Variants in TENM4 observed in about 807,000 individuals in gnomAD.
TENM4 encodes teneurin-4.
TENM4 carries 82 observed loss-of-function variants against 243.3 expected under a neutral mutation model. That is an observed-to-expected ratio of 0.34 (90% CI 0.28 to 0.40). The LOEUF is 0.40. Among genes scored for constraint, TENM4 ranks in the 10% least tolerant of loss-of-function variants. The probability of loss-of-function intolerance (pLI) is 1.00; values close to 1 mark genes in which losing one functional copy is unlikely to be tolerated. For missense variants in TENM4, 3,138 were observed against 3,673.3 expected (o/e 0.85, Z 3.77); for synonymous variants, 1,412 against 1,456.3 (o/e 0.97, Z 0.69).
chr11:78,778,217 C>T (rs1409997904), intron 17 of TENM4, among the ~76,000 whole-genome samples: 1 of 151,748 alleles, frequency 6.6e-6, no homozygotes, highest in Non-Finnish European at 1.5e-5. Flanking sequence ...CTTTCTCAGG[C>T]CACCCACCCT....
intron 1 of TENM4, among the ~76,000 whole-genome samples, chr11:79,382,924 TC>T (rs1468176133): frequency 6.6e-6 from 1 of 152,170 alleles, no homozygotes. Context: ...ATTAATTACT[TC>T]CCTGAAGCAC....
chr11:78,984,772 C>T (rs1012121954), intron 6 of TENM4, among the ~76,000 whole-genome samples: 5 of 152,008 alleles, frequency 3.3e-5, no homozygotes, highest in African/African-American at 7.2e-5. Context: ...AATATGGTAG[C>T]GATTTTAACT....
chr11:79,408,175 A>C (rs555100399), intron 1 of TENM4, among the ~76,000 whole-genome samples: 16 of 152,362 alleles, frequency 1.1e-4, no homozygotes, highest in African/African-American at 3.6e-4. Context: ...AAGTGCCAGG[A>C]TTACAGGTGT....
chr11:79,220,017 G>GCACT (rs1189054281), intron 2 of TENM4, among the ~76,000 whole-genome samples: 1 of 152,188 alleles, frequency 6.6e-6, no homozygotes, highest in Non-Finnish European at 1.5e-5. Flanking sequence ...GCTAAGCCGT[G>GCACT]GTACCCGGAG....
intron 1 of TENM4, among the ~76,000 whole-genome samples, chr11:79,309,883 G>A (rs1363118058): frequency 6.6e-6 from 1 of 152,158 alleles, no homozygotes; most frequent in African/African-American, 2.4e-5. Context: ...TCCCAGTGCT[G>A]CTGCCCATGC....
intron 3 of TENM4, among the ~76,000 whole-genome samples, chr11:79,163,709 A>G (rs1176722469): frequency 6.6e-6 from 1 of 151,440 alleles, no homozygotes; most frequent in African/African-American, 2.4e-5. Context: ...GTTGCTGCAA[A>G]TAGCATTATT....
intron 7 of TENM4, among the ~76,000 whole-genome samples, chr11:78,896,901 A>C (rs1206813802): frequency 6.6e-6 from 1 of 152,130 alleles, no homozygotes; most frequent in Non-Finnish European, 1.5e-5. Context: ...GACTACCTAC[A>C]TGCGCAGAAG....
At chr11:79,426,409 T>C (rs959911051) in intron 1 of TENM4, among the ~76,000 whole-genome samples, 4 of 152,182 alleles carry the variant, frequency 2.6e-5, no homozygotes, top group Non-Finnish European at 4.4e-5. Flanking sequence ...TCTAACCTCA[T>C]TGAGTCCCTG....
At chr11:78,924,276 T>A (rs889610059) in intron 6 of TENM4, among the ~76,000 whole-genome samples, 1 of 152,204 alleles carries the variant, frequency 6.6e-6, no homozygotes, top group East Asian at 1.9e-4. Context: ...GGCCTGAGTA[T>A]GGCAGAGCAA....
At chr11:79,136,944 G>A (rs1185724551) in intron 4 of TENM4, among the ~76,000 whole-genome samples, 2 of 152,102 alleles carry the variant, frequency 1.3e-5, no homozygotes, top group African/African-American at 2.4e-5. Context: ...CAGGGCTGGG[G>A]CAAAGTTCTG....
chr11:79,120,707 C>A (rs1413914730), intron 4 of TENM4, among the ~76,000 whole-genome samples: 1 of 152,170 alleles, frequency 6.6e-6, no homozygotes, highest in African/African-American at 2.4e-5. Context: ...ATACTAAATA[C>A]TGGGAGATTT....
intron 3 of TENM4, among the ~76,000 whole-genome samples, chr11:79,186,884 A>T (rs564817424): frequency 1.8e-3 from 278 of 152,330 alleles, no homozygotes; most frequent in Middle Eastern, 6.8e-3. Flanking sequence ...CATCTGAAAC[A>T]GCCCCTCGGA....
chr11:79,383,995 G>A (rs541854485), intron 1 of TENM4, among the ~76,000 whole-genome samples: 1 of 152,012 alleles, frequency 6.6e-6, no homozygotes, highest in East Asian at 1.9e-4. Context: ...AAGATAACCT[G>A]CCCCCCCTTC....
Position 78,896,135 on chromosome 11 carries a change from G to A in TENM4, c.750-4799C>T, listed in dbSNP as rs557059705. Among the ~76,000 whole-genome samples the A allele has an allele frequency of 4.3e-4, 66 of 152,282 alleles. 1 individual carries two copies. The highest frequency in any genetic ancestry group is 7.2e-4 in the Admixed American group (11 of 15,302). ...GTTCCTCAGGACCGCCCTGATCAAC[G>A]GTTCACCCTCTCACAGTGAGCCCGC... On this transcript the variant is annotated intron_variant, in intron 7 of 33. Transcript: ENST00000278550.
chr11:79,088,684 C>A (rs368595435), intron 4 of TENM4, among the ~76,000 whole-genome samples: 1 of 152,166 alleles, frequency 6.6e-6, no homozygotes, highest in East Asian at 1.9e-4. Flanking sequence ...TACTTCACTC[C>A]GGCCCAGATG....
chr11:78,995,740 C>T (rs1234008827), intron 6 of TENM4, among the ~76,000 whole-genome samples: 4 of 148,754 alleles, frequency 2.7e-5, no homozygotes, highest in African/African-American at 9.9e-5. Context: ...AACTAAGATT[C>T]AGAGAGATGA....
At chr11:79,384,347 C>T (rs189595243) in intron 1 of TENM4, among the ~76,000 whole-genome samples, 29 of 152,328 alleles carry the variant, frequency 1.9e-4, no homozygotes, top group African/African-American at 5.5e-4. Flanking sequence ...ACCTGGTCTG[C>T]GTCCAGCCTC....
chr11:79,319,853 G>A (rs929214246), intron 1 of TENM4, among the ~76,000 whole-genome samples: 5 of 152,106 alleles, frequency 3.3e-5, no homozygotes, highest in Non-Finnish European at 7.4e-5. Context: ...CAACCTGTCC[G>A]GTCCTGAAGC....
chr11:79,320,641 C>A (rs79673833), intron 1 of TENM4, among the ~76,000 whole-genome samples: 4 of 151,928 alleles, frequency 2.6e-5, no homozygotes, highest in African/African-American at 9.7e-5. Flanking sequence ...ATCCAGAACC[C>A]GCATTTTAGC....
Sources: gnomAD v4.1 joint callset for allele counts (sites outside exome capture counted in the v4.1 genomes callset) on GRCh38, gnomAD v4.1.1 for gene constraint, MANE v1.5 for transcripts, NCBI Gene and HGNC (gene_info 2026-07-23, HGNC 2026-07-21) for gene names.